The following SGCD variants were observed in gnomAD, a reference collection of about 807,000 sequenced individuals.
The protein encoded by SGCD is delta-sarcoglycan.
In SGCD, 18 loss-of-function variants were observed where a neutral mutation model predicts 36.6. The observed-to-expected ratio is 0.49, with a 90% confidence interval of 0.34 to 0.73. The LOEUF (loss-of-function observed/expected upper bound fraction) is 0.73, where lower values mean the gene tolerates loss of function less well. SGCD is among the 30% of genes least tolerant of loss of function. The pLI, the probability that SGCD is intolerant of heterozygous loss-of-function variation, is 0.01. For missense variants in SGCD, 387 were observed against 346.7 expected (o/e 1.12, Z -0.92); for synonymous variants, 133 against 130.6 (o/e 1.02, Z -0.12).
the SGCD span, among the ~76,000 whole-genome samples, chr5:155,811,969 G>A: frequency 7.2e-5 from 11 of 152,184 alleles, no homozygotes; most frequent in African/African-American, 2.4e-4. Context: ...TAGTGTGTGT[G>A]TCAGTAATTT....
At chr5:156,290,555 T>A (rs1413901479) in intron 3 of SGCD, among the ~76,000 whole-genome samples, 1 of 152,180 alleles carries the variant, frequency 6.6e-6, no homozygotes, top group Non-Finnish European at 1.5e-5. Flanking sequence ...CATGCAGTCC[T>A]GGTAAGGAAT....
chr5:156,507,788 G>T (rs1160511463), intron 3 of SGCD, among the ~76,000 whole-genome samples: 1 of 152,172 alleles, frequency 6.6e-6, no homozygotes, highest in Non-Finnish European at 1.5e-5. Context: ...TGACTGACTG[G>T]AAATTTTAGG....
intron 7 of SGCD, among the ~76,000 whole-genome samples, chr5:156,651,592 A>G (rs1763462966): frequency 6.6e-6 from 1 of 152,118 alleles, no homozygotes; most frequent in Non-Finnish European, 1.5e-5. Context: ...TGACTTTGTC[A>G]AAGATTAAAT....
At chr5:156,390,275 G>A (rs937630981) in intron 3 of SGCD, among the ~76,000 whole-genome samples, 1 of 151,984 alleles carries the variant, frequency 6.6e-6, no homozygotes, top group Non-Finnish European at 1.5e-5. Flanking sequence ...TTCAGAACAA[G>A]ACATTGTCAT....
At chr5:156,047,117 T>C (rs1759785173) in intron 1 of SGCD, among the ~76,000 whole-genome samples, 1 of 152,164 alleles carries the variant, frequency 6.6e-6, no homozygotes, top group African/African-American at 2.4e-5. Context: ...CCTAACTTTC[T>C]TCAATTCTGT....
rs1758096365 is a variant in SGCD at position 155,975,609 on chromosome 5, C to CCTTTTT, written c.-282+105185_-282+105186insCTTTTT. 4.6e-4 allele frequency among the ~76,000 whole-genome samples: 13 copies of CCTTTTT among 28,008 alleles called. 1 individual carries two copies. The highest frequency in any genetic ancestry group is 6.2e-4 in the Non-Finnish European group (9 of 14,596). The allele number at this position is 28,008 out of a possible 152,430, so 18.4% of individuals were successfully genotyped here. A position where few individuals can be genotyped will look rare whatever the true frequency, so the allele number is the denominator to read the frequency against. On this transcript the variant is annotated intron_variant, in intron 1 of 9. Transcript: ENST00000517913. ...TGTGTTATTTATTTTTCTTTCTTTC[C>CCTTTTT]TTTTTTTTTTTTTTTTTTTTTTTTT... is the stretch of plus-strand genomic sequence containing the variant.
chr5:156,155,202 A>G lies in SGCD; in HGVS notation c.-44+31183A>G, dbSNP rs1375380003. Among the ~76,000 whole-genome samples, 4 of 151,580 alleles carry G rather than the reference A, an allele frequency of 2.6e-5. 1 individual carries two copies. Among genetic ancestry groups the G allele is most frequent in the Non-Finnish European group, 5.9e-5 (4 of 68,038 alleles). Reference sequence around the variant, plus strand: ...TTTCTCTATGAAAAATTATCTATCTATCTATCTATCCGTCCATCTGTCTAT... The same window carrying G: ...TTTCTCTATGAAAAATTATCTATCTGTCTATCTATCCGTCCATCTGTCTAT... On this transcript the variant is annotated intron_variant, in intron 3 of 9. Coordinates refer to the SGCD transcript ENST00000517913.
rs1047599423 is a variant in SGCD at position 156,764,537 on chromosome 5, G to A, written c.*5147G>A. Reference sequence around the variant, plus strand: ...TCTCAAGGCAGGTTTGAATGGCAAAGGGAAAATAATTACTTGTGGGAGGTC... The same window carrying A: ...TCTCAAGGCAGGTTTGAATGGCAAAAGGAAAATAATTACTTGTGGGAGGTC... On this transcript the variant is annotated 3_prime_UTR_variant, in exon 9 of 9. Transcript: ENST00000337851. 9.2e-5 allele frequency: 14 copies of A among 152,610 alleles called. No individual in the cohort carries two copies. Among genetic ancestry groups the A allele is most frequent in the Admixed American group, 9.2e-4 (14 of 15,268 alleles). 9.5% of individuals were successfully genotyped at this position (152,610 alleles called of 1,614,324 possible).
chr5:156,650,881 G>A (rs578092201), intron 7 of SGCD, among the ~76,000 whole-genome samples: 12 of 152,046 alleles, frequency 7.9e-5, no homozygotes, highest in Middle Eastern at 3.4e-3. Flanking sequence ...TAGTAATTGC[G>A]TTGTCAGTTC....
intron 5 of SGCD, among the ~76,000 whole-genome samples, chr5:156,592,595 A>G (rs1760767795): frequency 6.6e-6 from 1 of 151,930 alleles, no homozygotes; most frequent in African/African-American, 2.4e-5. Flanking sequence ...TCCTTCCTAG[A>G]CAAATAAATG....
rs200670993 is a variant in SGCD, at chr5:156,344,608, C to G, written c.123C>G (p.Leu41=). The change falls in exon 3 of 9, where the codon CTC becomes CTG. Residue 41 remains leucine, a synonymous_variant. Transcript: ENST00000337851. ...RKRCLYFFVL[L]LMILILVNLA... is the part of the protein sequence containing the mutation. ...GATGCCTGTATTTCTTTGTCCTGCT[C>G]CTCATGATTTTAATACTGGTGAACT... The G allele has an allele frequency of 1.4e-4, 219 of 1,612,076 alleles. No individual in the cohort carries two copies. In the African/African-American group the frequency reaches 2.0e-3, roughly 14 times the overall value.
chr5:156,650,613 A>G (rs1364347731), intron 7 of SGCD, among the ~76,000 whole-genome samples: 1 of 136,296 alleles, frequency 7.3e-6, no homozygotes, highest in African/African-American at 3.5e-5. Context: ...TTCCTGTGTT[A>G]ACTTAAGATA....
chr5:156,390,200 T>TAA (rs1771491056), intron 3 of SGCD, among the ~76,000 whole-genome samples: 1 of 122,692 alleles, frequency 8.2e-6, no homozygotes, highest in Non-Finnish European at 1.7e-5. Context: ...TTAGAGTCTA[T>TAA]GCCTTCTGTT....
intron 3 of SGCD, among the ~76,000 whole-genome samples, chr5:156,214,207 C>A (rs1049562947): frequency 6.6e-6 from 1 of 151,820 alleles, no homozygotes; most frequent in Admixed American, 6.6e-5. Flanking sequence ...ACAGAAAACC[C>A]TCAAGACTTC....
intron 3 of SGCD, among the ~76,000 whole-genome samples, chr5:156,277,743 A>C (rs763171554): frequency 1.6e-4 from 25 of 152,246 alleles, no homozygotes; most frequent in Non-Finnish European, 3.4e-4. Flanking sequence ...TTTGCTTTAT[A>C]GGCAAACTAG....
chr5:155,851,194 T>C, the SGCD span, among the ~76,000 whole-genome samples: 1 of 152,190 alleles, frequency 6.6e-6, no homozygotes, highest in East Asian at 1.9e-4. Context: ...GACATGAATA[T>C]GGCGACATGC....
chr5:155,935,698 G>GTCTAATCAC (rs1757179348), intron 1 of SGCD, among the ~76,000 whole-genome samples: 1 of 152,158 alleles, frequency 6.6e-6, no homozygotes, highest in Non-Finnish European at 1.5e-5. Flanking sequence ...CTTGCCTAAG[G>GTCTAATCAC]TTGTTACAGG....
Position 156,159,597 on chromosome 5 carries a change from A to T in SGCD, c.-44+35578A>T, listed in dbSNP as rs1318138459. Among the ~76,000 whole-genome samples the T allele has an allele frequency of 1.3e-5, 2 of 151,682 alleles. 1 individual carries two copies. Among genetic ancestry groups the T allele is most frequent in the African/African-American group, 4.9e-5 (2 of 41,030 alleles). On this transcript the variant is annotated intron_variant, in intron 3 of 9. Coordinates refer to the SGCD transcript ENST00000517913. The stretch of plus-strand genomic sequence containing the variant: ...TGGATATTTAAATACTGTTTATGAA[A>T]CATTTAGTAGAATTTATTACTTCTG...
intron 1 of SGCD, among the ~76,000 whole-genome samples, chr5:155,962,963 C>A (rs974445650): frequency 6.6e-6 from 1 of 152,122 alleles, no homozygotes; most frequent in East Asian, 1.9e-4. Context: ...TTTCAGAATT[C>A]TTTTGAGGCA....
Sources: gnomAD v4.1 joint callset for allele counts (sites outside exome capture counted in the v4.1 genomes callset) on GRCh38, gnomAD v4.1.1 for gene constraint, MANE v1.5 for transcripts, NCBI Gene and HGNC (gene_info 2026-07-23, HGNC 2026-07-21) for gene names.